Variants in CDC14A observed in about 807,000 individuals in gnomAD.
CDC14A encodes dual specificity protein phosphatase CDC14A.
Under a neutral mutation model 74.4 loss-of-function variants are expected in CDC14A, and 53 were observed. The observed-to-expected ratio is 0.71, with a 90% confidence interval of 0.57 to 0.89. The LOEUF (loss-of-function observed/expected upper bound fraction) is 0.89. CDC14A is among the 40% of genes least tolerant of loss of function. The probability of loss-of-function intolerance (pLI) is 0.00; values close to 1 mark genes in which losing one functional copy is unlikely to be tolerated. For synonymous variants in CDC14A, 247 were observed against 258.4 expected (o/e 0.96, Z 0.43); for missense variants, 646 against 713.7 (o/e 0.91, Z 1.08).
At chr1:100,432,429 T>C (rs1287643424) in intron 5 of CDC14A, among the ~76,000 whole-genome samples, 13 of 152,236 alleles carry the variant, frequency 8.5e-5, no homozygotes, top group Admixed American at 8.5e-4. Context: ...ACATGTGTTA[T>C]TGAACACTTG....
chr1:100,483,525 C>T (rs1343139936), intron 10 of CDC14A, among the ~76,000 whole-genome samples: 2 of 151,924 alleles, frequency 1.3e-5, no homozygotes, highest in African/African-American at 4.8e-5. Flanking sequence ...CTATTCTGTA[C>T]AGTGTGTTAT....
At chr1:100,491,665 G>T (rs183043131) in intron 11 of CDC14A, among the ~76,000 whole-genome samples, 9 of 139,512 alleles carry the variant, frequency 6.5e-5, no homozygotes, top group African/African-American at 2.4e-4. Flanking sequence ...TCTGCCTCCC[G>T]GGTTCAAGTG....
At chr1:100,424,391 A>T in intron 5 of CDC14A, 90 bp downstream of exon 5, 1 of 869,638 alleles carries the variant, frequency 1.1e-6, no homozygotes, top group South Asian at 1.3e-5. Flanking sequence ...TTGTCTTAAG[A>T]TAATAACCAT....
rs143461668 is a variant in CDC14A, at chr1:100,515,196, TG to T, written c.1756-3054del. 5.6e-3 allele frequency among the ~76,000 whole-genome samples: 857 copies of T among 152,242 alleles called. 11 individuals carry two copies. Among genetic ancestry groups the T allele is most frequent in the African/African-American group, 0.02 (825 of 41,536 alleles). ...TTCCTCAACTGTGGCTGAGTACAAATGACCCAGAGAGACCGTCAGCACAACC... is the reference window on the plus strand; with the variant it reads ...TTCCTCAACTGTGGCTGAGTACAAATACCCAGAGAGACCGTCAGCACAACC... On this transcript the variant is annotated intron_variant, in intron 15 of 15. Coordinates refer to ENST00000336454, the MANE Select transcript of CDC14A (RefSeq NM_003672.4).
At chr1:100,515,470 G>A (rs1461205400) in intron 15 of CDC14A, among the ~76,000 whole-genome samples, 2 of 149,692 alleles carry the variant, frequency 1.3e-5, no homozygotes, top group African/African-American at 4.9e-5. Context: ...TGCAGTTTCC[G>A]CCTCCCGGGT....
chr1:100,418,139 A>T (rs1328047956), intron 4 of CDC14A, among the ~76,000 whole-genome samples: 1 of 152,206 alleles, frequency 6.6e-6, no homozygotes, highest in Non-Finnish European at 1.5e-5. Context: ...AGGATTAATG[A>T]ACCAAGTTAT....
chr1:100,445,713 C>G (rs1451918209), intron 7 of CDC14A, among the ~76,000 whole-genome samples: 1 of 152,108 alleles, frequency 6.6e-6, no homozygotes, highest in Non-Finnish European at 1.5e-5. Flanking sequence ...TTCTTGGAAA[C>G]CAACCAGCCA....
At chr1:100,440,062 T>G in intron 6 of CDC14A, 64 bp downstream of exon 6, 3 of 1,183,524 alleles carry the variant, frequency 2.5e-6, no homozygotes, top group Non-Finnish European at 3.8e-6. Flanking sequence ...AAAGGAATAA[T>G]CTCAACATCC....
chr1:100,403,975 T>C (rs1380605256), intron 4 of CDC14A, among the ~76,000 whole-genome samples: 1 of 152,256 alleles, frequency 6.6e-6, no homozygotes, highest in African/African-American at 2.4e-5. Flanking sequence ...TGAATAATTT[T>C]AATTTATGTA....
intron 2 of CDC14A, among the ~76,000 whole-genome samples, chr1:100,366,940 G>A (rs1235042369): frequency 6.6e-6 from 1 of 152,118 alleles, no homozygotes. Flanking sequence ...ATGAACGCAC[G>A]GGTACTCTGA....
chr1:100,475,761 T>C (rs1361838245), intron 10 of CDC14A, among the ~76,000 whole-genome samples: 2 of 152,100 alleles, frequency 1.3e-5, no homozygotes, highest in African/African-American at 4.8e-5. Flanking sequence ...AAGTCTTCAC[T>C]CTCCACTAGG....
chr1:100,355,093 T>G (rs928012833), intron 2 of CDC14A, among the ~76,000 whole-genome samples: 2 of 152,230 alleles, frequency 1.3e-5, no homozygotes, highest in African/African-American at 4.8e-5. Flanking sequence ...CAAAGAGGTC[T>G]GAGTCCCTGG....
chr1:100,499,414 T>G (rs757773090), intron 15 of CDC14A, 152 bp downstream of exon 15: 43 of 1,547,360 alleles, frequency 2.8e-5, no homozygotes, highest in Non-Finnish European at 3.6e-5. Flanking sequence ...AAACTGTCTA[T>G]GCACTACATT....
chr1:100,364,140 T>G (rs61811380), intron 2 of CDC14A, among the ~76,000 whole-genome samples: 1 of 152,126 alleles, frequency 6.6e-6, no homozygotes. Context: ...AAAAAAAATT[T>G]ATTGATCACA....
chr1:100,516,068 T>C (rs553820542), intron 15 of CDC14A, among the ~76,000 whole-genome samples: 1 of 152,302 alleles, frequency 6.6e-6, no homozygotes, highest in South Asian at 2.1e-4. Flanking sequence ...GTGAGCTGTA[T>C]CTGAGCCTAG....
chr1:100,433,105 A>C (rs1663913729), intron 5 of CDC14A, among the ~76,000 whole-genome samples: 2 of 151,752 alleles, frequency 1.3e-5, no homozygotes, highest in South Asian at 4.2e-4. Context: ...GTCTCAAACT[A>C]CTGGGCTCAA....
At chr1:100,491,819 G>C (rs1315479056) in intron 11 of CDC14A, among the ~76,000 whole-genome samples, 2 of 149,818 alleles carry the variant, frequency 1.3e-5, no homozygotes, top group Non-Finnish European at 3.0e-5. Context: ...TCATCCACCT[G>C]CCTTGGCCTC....
At chr1:100,451,441 G>C (rs1666136449) in intron 7 of CDC14A, among the ~76,000 whole-genome samples, 1 of 152,146 alleles carries the variant, frequency 6.6e-6, no homozygotes, top group Non-Finnish European at 1.5e-5. Flanking sequence ...TCTAGAGTTT[G>C]ATTATTATTT....
intron 3 of CDC14A, among the ~76,000 whole-genome samples, chr1:100,385,918 G>A (rs1246310241): frequency 5.9e-5 from 9 of 152,150 alleles, no homozygotes; most frequent in Non-Finnish European, 1.2e-4. Flanking sequence ...TGTAATCCCC[G>A]CACTTTGAGA....
Sources: allele counts gnomAD v4.1 joint callset (sites outside exome capture counted in the v4.1 genomes callset), GRCh38; gene constraint gnomAD v4.1.1; transcripts MANE v1.5; gene names NCBI Gene and HGNC (gene_info 2026-07-23, HGNC 2026-07-21).